RBM47: variants seen among roughly 807,000 people sequenced by gnomAD.
RBM47 encodes the protein RNA binding motif protein 47, also known as RNA-binding protein 47.
RBM47 carries 21 observed loss-of-function variants against 47.1 expected under a neutral mutation model. That is an observed-to-expected ratio of 0.45 (90% CI 0.32 to 0.64). The LOEUF (loss-of-function observed/expected upper bound fraction) is 0.64. Ranked by LOEUF, RBM47 falls within the 30% of genes least tolerant of loss-of-function variation. RBM47 has a pLI of 0.05. For missense variants in RBM47, 708 were observed against 870.9 expected (o/e 0.81, Z 2.35); for synonymous variants, 375 against 361.7 (o/e 1.04, Z -0.42).
chr4:40,436,199 CAAACAAA>C (rs1394006042), intron 5 of RBM47, among the ~76,000 whole-genome samples: 3,583 of 70,930 alleles, frequency 0.051, 148 homozygotes, highest in African/African-American at 0.13. Context: ...AACAAACAAA[CAAACAAA>C]AAAAAACCTT....
intron 3 of RBM47, among the ~76,000 whole-genome samples, chr4:40,441,287 A>G (rs1713613924): frequency 6.9e-6 from 1 of 145,080 alleles, no homozygotes; most frequent in Non-Finnish European, 1.5e-5. Flanking sequence ...AAAAAAAAAG[A>G]TCCCAATTAA....
chr4:40,436,550 T>A lies in RBM47; in HGVS notation c.1221A>T (p.Ile407=). ...CTTTCCCTTCATGATATCGGCTATA[T>A]ATACCACGACCAGCAGAATATCCCC... ...YLGGYSAGRG[I]YSRYHEGKGK... The change falls in exon 5 of 7, where the codon ATA becomes ATT. Residue 407 remains isoleucine (I), a synonymous_variant. Coordinates refer to ENST00000295971, the MANE Select transcript of RBM47 (RefSeq NM_001098634.2). 6.2e-7 allele frequency: 1 copy of A among 1,614,178 alleles called. No individual in the cohort carries two copies. The highest frequency in any genetic ancestry group is 2.2e-5 in the East Asian group (1 of 44,884).
intron 3 of RBM47, 105 bp from the exon 4 acceptor site, chr4:40,439,029 G>C: frequency 3.0e-6 from 3 of 1,004,826 alleles, no homozygotes; most frequent in Non-Finnish European, 4.2e-6. Context: ...ACGGGGAAGG[G>C]GAGGTGGTTT....
intron 3 of RBM47, among the ~76,000 whole-genome samples, chr4:40,464,934 A>C (rs536507562): frequency 1.8e-3 from 268 of 151,292 alleles, no homozygotes; most frequent in African/African-American, 6.2e-3. Context: ...AAAATTAAAC[A>C]ACCAAACAAA....
intron 1 of RBM47, among the ~76,000 whole-genome samples, chr4:40,624,498 A>C (rs1330545650): frequency 6.6e-6 from 1 of 152,154 alleles, no homozygotes; most frequent in African/African-American, 2.4e-5. Context: ...AATCTAACTA[A>C]ATTCTAAGGT....
At chr4:40,621,256 C>T (rs1737240082) in intron 1 of RBM47, among the ~76,000 whole-genome samples, 1 of 152,164 alleles carries the variant, frequency 6.6e-6, no homozygotes, top group African/African-American at 2.4e-5. Context: ...AATTATGGAT[C>T]TAAACAAGGC....
intron 1 of RBM47, among the ~76,000 whole-genome samples, chr4:40,624,599 T>C (rs981331093): frequency 1.3e-5 from 2 of 152,194 alleles, no homozygotes; most frequent in Non-Finnish European, 2.9e-5. Flanking sequence ...TAACTGGTAG[T>C]ACATAAAACA....
At chr4:40,480,731 C>T (rs775118505) in intron 2 of RBM47, among the ~76,000 whole-genome samples, 25 of 152,252 alleles carry the variant, frequency 1.6e-4, no homozygotes, top group Middle Eastern at 3.4e-3. Context: ...GATTTTATGG[C>T]GATCCCTTTC....
intron 1 of RBM47, among the ~76,000 whole-genome samples, chr4:40,557,278 A>G (rs1164424231): frequency 6.6e-6 from 1 of 151,990 alleles, no homozygotes; most frequent in African/African-American, 2.4e-5. Context: ...CTTGGTGTAC[A>G]CTTTCCCTTT....
intron 5 of RBM47, among the ~76,000 whole-genome samples, chr4:40,433,251 G>A (rs571083562): frequency 5.8e-4 from 89 of 152,222 alleles, no homozygotes; most frequent in Middle Eastern, 3.4e-3. Context: ...GTGAGCCACC[G>A]CGCCCAGCCT....
intron 1 of RBM47, among the ~76,000 whole-genome samples, chr4:40,623,678 TCA>T (rs1261941955): frequency 6.6e-6 from 1 of 152,158 alleles, no homozygotes; most frequent in African/African-American, 2.4e-5. Context: ...GCTCAGCTCT[TCA>T]CTCTCCCTAA....
intron 1 of RBM47, among the ~76,000 whole-genome samples, chr4:40,627,482 C>A (rs1044313030): frequency 6.6e-6 from 1 of 152,132 alleles, no homozygotes; most frequent in East Asian, 1.9e-4. Context: ...GATGTGGAGG[C>A]GGAAACTTAC....
intron 2 of RBM47, among the ~76,000 whole-genome samples, chr4:40,468,906 C>T (rs11726816): frequency 0.19 from 28,833 of 152,108 alleles, 2,962 homozygotes; most frequent in East Asian, 0.39. Flanking sequence ...ACTACGAAAA[C>T]GAATGTACAA....
intron 1 of RBM47, among the ~76,000 whole-genome samples, chr4:40,559,624 C>T (rs1046702714): frequency 6.6e-6 from 1 of 152,052 alleles, no homozygotes; most frequent in African/African-American, 2.4e-5. Flanking sequence ...TAGAGAAAAT[C>T]TTGATTCAGC....
At chr4:40,529,168 A>G (rs370175346) in intron 2 of RBM47, among the ~76,000 whole-genome samples, 50 of 152,214 alleles carry the variant, frequency 3.3e-4, no homozygotes, top group African/African-American at 1.2e-3. Context: ...TTGACTTACA[A>G]TGGGCTACTT....
rs1471979479 is a variant in RBM47 at position 40,423,979 on chromosome 4, T to A, written c.*1925A>T. On this transcript the variant is annotated 3_prime_UTR_variant, in exon 7 of 7. Coordinates refer to ENST00000295971, the MANE Select transcript of RBM47 (RefSeq NM_001098634.2). Reference sequence around the variant, plus strand: ...TCAGGAACATTGCACAATTATTTTATGTCATTTAAAAGAATGATGGAAAGG... The same window carrying A: ...TCAGGAACATTGCACAATTATTTTAAGTCATTTAAAAGAATGATGGAAAGG... 6.6e-6 allele frequency: 1 copy of A among 152,388 alleles called. No homozygotes were observed. The highest frequency in any genetic ancestry group is 1.5e-5 in the Non-Finnish European group (1 of 68,030). The allele number at this position is 152,388 out of a possible 1,614,324, so 9.4% of individuals were successfully genotyped here.
intron 5 of RBM47, among the ~76,000 whole-genome samples, chr4:40,434,233 C>G (rs1333280563): frequency 1.3e-5 from 2 of 152,122 alleles, no homozygotes; most frequent in Non-Finnish European, 2.9e-5. Context: ...CTTTTACCTG[C>G]CTTTCCAACC....
chr4:40,555,214 G>A (rs1159374165), intron 1 of RBM47, among the ~76,000 whole-genome samples: 7 of 152,228 alleles, frequency 4.6e-5, no homozygotes, highest in Admixed American at 6.5e-5. Flanking sequence ...TTACAGGCGT[G>A]AGCCACCACA....
intron 1 of RBM47, among the ~76,000 whole-genome samples, chr4:40,559,127 G>T (rs1730374505): frequency 2.0e-5 from 3 of 152,190 alleles, no homozygotes; most frequent in Admixed American, 2.0e-4. Context: ...ATATTACCAT[G>T]ACATAGATAG....
Sources: allele counts gnomAD v4.1 joint callset (sites outside exome capture counted in the v4.1 genomes callset), GRCh38; gene constraint gnomAD v4.1.1; transcripts MANE v1.5; gene names NCBI Gene and HGNC (gene_info 2026-07-23, HGNC 2026-07-21).